QTMAN: variants seen among roughly 807,000 people sequenced by gnomAD.
QTMAN encodes queuosine-tRNA mannosyltransferase.
the QTMAN span, among the ~76,000 whole-genome samples, chr2:144,272,590 T>C: frequency 6.6e-6 from 1 of 152,322 alleles, no homozygotes; most frequent in Admixed American, 6.5e-5. Flanking sequence ...GTTTGAATCA[T>C]ACCTAAGAGA....
chr2:143,968,748 T>C, the QTMAN span, among the ~76,000 whole-genome samples: 1 of 152,130 alleles, frequency 6.6e-6, no homozygotes, highest in South Asian at 2.1e-4. Flanking sequence ...TGATCTTTTC[T>C]TTCCTTCCTT....
chr2:144,234,175 A>T, the QTMAN span, among the ~76,000 whole-genome samples: 5 of 152,174 alleles, frequency 3.3e-5, no homozygotes, highest in Non-Finnish European at 7.3e-5. Context: ...AGTGATCAAA[A>T]ATGTTTAAAG....
At chr2:144,271,269 A>C in the QTMAN span, among the ~76,000 whole-genome samples, 1 of 152,206 alleles carries the variant, frequency 6.6e-6, no homozygotes, top group East Asian at 1.9e-4. Context: ...AAAACATGAC[A>C]GCAGTCACAA....
chr2:144,208,960 T>C, the QTMAN span, among the ~76,000 whole-genome samples: 13 of 152,264 alleles, frequency 8.5e-5, no homozygotes, highest in African/African-American at 3.1e-4. Context: ...AATAAGTATA[T>C]AACACTTAAA....
At chr2:144,056,225 T>C in the QTMAN span, among the ~76,000 whole-genome samples, 1 of 152,226 alleles carries the variant, frequency 6.6e-6, no homozygotes, top group African/African-American at 2.4e-5. Flanking sequence ...TTCAGTAAAA[T>C]CTAGAAATTG....
the QTMAN span, among the ~76,000 whole-genome samples, chr2:144,113,342 T>C: frequency 1.3e-5 from 2 of 150,846 alleles, no homozygotes; most frequent in Non-Finnish European, 3.0e-5. Flanking sequence ...AACTGTAGAA[T>C]GGAGGAGATA....
the QTMAN span, among the ~76,000 whole-genome samples, chr2:144,182,893 TATATATA>T: frequency 1.1e-5 from 1 of 94,864 alleles, no homozygotes; most frequent in Non-Finnish European, 2.0e-5. Flanking sequence ...ATTTTATATA[TATATATA>T]TTATATATAT....
chr2:144,282,912 A>G, the QTMAN span, among the ~76,000 whole-genome samples: 2 of 152,092 alleles, frequency 1.3e-5, no homozygotes, highest in Non-Finnish European at 2.9e-5. Flanking sequence ...CCAGAAAGAT[A>G]CCTGAACTAA....
the QTMAN span, among the ~76,000 whole-genome samples, chr2:144,138,622 A>G: frequency 6.6e-6 from 1 of 152,044 alleles, no homozygotes. Context: ...ACACAGAAGC[A>G]AGGTTGTTCA....
chr2:144,087,913 C>T, the QTMAN span, among the ~76,000 whole-genome samples: 1 of 151,968 alleles, frequency 6.6e-6, no homozygotes, highest in Admixed American at 6.6e-5. Context: ...CACCCAATTT[C>T]TCCATTCTTA....
chr2:144,201,305 C>T, the QTMAN span, among the ~76,000 whole-genome samples: 1 of 152,032 alleles, frequency 6.6e-6, no homozygotes, highest in East Asian at 1.9e-4. Flanking sequence ...ACAAAGGGAC[C>T]AGCAAGCAGT....
chr2:144,147,259 AG>A, the QTMAN span, among the ~76,000 whole-genome samples: 1 of 149,768 alleles, frequency 6.7e-6, no homozygotes, highest in African/African-American at 2.5e-5. Flanking sequence ...TATCTCTTTA[AG>A]GTTAAAAAAA....
At chr2:144,172,621 C>T in the QTMAN span, among the ~76,000 whole-genome samples, 2 of 51,364 alleles carry the variant, frequency 3.9e-5, no homozygotes, top group East Asian at 6.1e-4. Flanking sequence ...AAGACTCTGT[C>T]AAAAAAAAAA....
chr2:144,240,447 T>C, the QTMAN span, among the ~76,000 whole-genome samples: 1 of 152,196 alleles, frequency 6.6e-6, no homozygotes, highest in African/African-American at 2.4e-5. Context: ...GGGTGCACAA[T>C]TATCATTACC....
chr2:144,131,338 G>A, the QTMAN span, among the ~76,000 whole-genome samples: 10 of 151,848 alleles, frequency 6.6e-5, no homozygotes, highest in Non-Finnish European at 1.3e-4. Context: ...CCTCCATCAA[G>A]TTGTCACATC....
the QTMAN span, among the ~76,000 whole-genome samples, chr2:144,269,526 T>G: frequency 1.3e-5 from 2 of 152,136 alleles, no homozygotes; most frequent in African/African-American, 4.8e-5. Flanking sequence ...AAAATATCAT[T>G]TGGGTCAAGT....
chr2:144,039,966 C>G, the QTMAN span, among the ~76,000 whole-genome samples: 1 of 152,160 alleles, frequency 6.6e-6, no homozygotes, highest in Admixed American at 6.5e-5. Flanking sequence ...TTGCTAAGAA[C>G]CTACTCTGCT....
chr2:143,984,352 G>A, the QTMAN span, among the ~76,000 whole-genome samples: 1 of 152,214 alleles, frequency 6.6e-6, no homozygotes, highest in Non-Finnish European at 1.5e-5. Flanking sequence ...TGTGCAGGTG[G>A]AAGTGGAGAG....
At chr2:144,234,278 TAACACA>T in the QTMAN span, among the ~76,000 whole-genome samples, 4 of 152,188 alleles carry the variant, frequency 2.6e-5, no homozygotes, top group Non-Finnish European at 5.9e-5. Context: ...GAAGTGAAGC[TAACACA>T]AATGAGAAAG....
Sources: gnomAD v4.1 joint callset for allele counts (sites outside exome capture counted in the v4.1 genomes callset) on GRCh38, gnomAD v4.1.1 for gene constraint, MANE v1.5 for transcripts, NCBI Gene and HGNC (gene_info 2026-07-23, HGNC 2026-07-21) for gene names.